Variants in QKI observed in about 807,000 individuals in gnomAD.
The protein encoded by QKI is QKI, KH domain containing RNA binding.
In QKI, 10 loss-of-function variants were observed where a neutral mutation model predicts 39.0. The observed-to-expected ratio is 0.26, with a 90% CI of 0.16 to 0.43. The LOEUF (loss-of-function observed/expected upper bound fraction) is 0.43, where lower values mean the gene tolerates loss of function less well. Ranked by LOEUF, QKI falls within the 20% of genes least tolerant of loss-of-function variation. The probability of loss-of-function intolerance (pLI) is 1.00; values close to 1 mark genes in which losing one functional copy is unlikely to be tolerated. For missense variants in QKI, 218 were observed against 428.0 expected, an observed-to-expected ratio of 0.51 and a Z score of 4.33; for synonymous variants, 204 against 155.4, an observed-to-expected ratio of 1.31 and a Z score of -2.33.
At chr6:163,510,466 C>T (rs1779379306) in intron 3 of QKI, among the ~76,000 whole-genome samples, 1 of 151,498 alleles carries the variant, frequency 6.6e-6, no homozygotes, top group Non-Finnish European at 1.5e-5. Context: ...GAGGCTGAGG[C>T]AGGAGAATTG....
At chr6:163,435,382 G>T (rs1461277872) in intron 1 of QKI, among the ~76,000 whole-genome samples, 1 of 152,114 alleles carries the variant, frequency 6.6e-6, no homozygotes, top group Non-Finnish European at 1.5e-5. Flanking sequence ...GAATTTAATC[G>T]CAAACTGGCA....
At chr6:163,476,283 T>G (rs1209149415) in intron 2 of QKI, among the ~76,000 whole-genome samples, 3 of 151,952 alleles carry the variant, frequency 2.0e-5, no homozygotes, top group Admixed American at 1.3e-4. Flanking sequence ...TAAAGTTTTT[T>G]TTTTTTTTTT....
intron 3 of QKI, among the ~76,000 whole-genome samples, chr6:163,503,835 G>C (rs1051782845): frequency 4.6e-5 from 7 of 151,970 alleles, no homozygotes; most frequent in Non-Finnish European, 8.8e-5. Flanking sequence ...CGCCTCCTGG[G>C]TTCAAGCAAG....
chr6:163,484,045 A>G (rs935268564), intron 3 of QKI, among the ~76,000 whole-genome samples: 2 of 152,234 alleles, frequency 1.3e-5, no homozygotes, highest in Non-Finnish European at 2.9e-5. Context: ...TTGGGTTACC[A>G]GGTGGATTGA....
At chr6:163,550,404 A>G (rs934450451) in intron 4 of QKI, among the ~76,000 whole-genome samples, 1 of 152,220 alleles carries the variant, frequency 6.6e-6, no homozygotes, top group African/African-American at 2.4e-5. Flanking sequence ...AAGTTTCAAC[A>G]TGAGTTTTGG....
chr6:163,484,410 A>G (rs2128226872), intron 3 of QKI, among the ~76,000 whole-genome samples: 1 of 152,200 alleles, frequency 6.6e-6, no homozygotes, highest in South Asian at 2.1e-4. Flanking sequence ...CGTGTTGGCC[A>G]GGCTAGTCTC....
At chr6:163,492,507 CTA>C (rs1778120318) in intron 3 of QKI, among the ~76,000 whole-genome samples, 2 of 151,982 alleles carry the variant, frequency 1.3e-5, no homozygotes, top group African/African-American at 2.4e-5. Context: ...TTACGTTTAA[CTA>C]TTTTTAAAAA....
intron 3 of QKI, among the ~76,000 whole-genome samples, chr6:163,488,877 A>G (rs1777857359): frequency 6.6e-6 from 1 of 152,226 alleles, no homozygotes; most frequent in Admixed American, 6.5e-5. Context: ...ATTTTTATAA[A>G]GTATGGCTTT....
chr6:163,445,413 C>T (rs757089284), intron 1 of QKI, among the ~76,000 whole-genome samples: 3 of 138,394 alleles, frequency 2.2e-5, no homozygotes, highest in African/African-American at 2.9e-5. Context: ...ATGTCTGTTT[C>T]GTTTCCTCCA....
At position 163,417,530 on chromosome 6, in the gene QKI, T is replaced by C. The variant is rs957416841; in HGVS notation, c.142+2195T>C. 5.3e-5 allele frequency among the ~76,000 whole-genome samples: 8 copies of C among 152,244 alleles called. No homozygotes were observed. In the East Asian group the frequency reaches 5.8e-4, roughly 11 times the overall value. On this transcript the variant is annotated intron_variant, in intron 1 of 7. Transcript: ENST00000361752. ...TAAATTTAGAGCTGATTCCTTGTTA[T>C]CAAGTTTCCAACCTTAGGCTTTAAT...
At chr6:163,503,935 G>A (rs1035364870) in intron 3 of QKI, among the ~76,000 whole-genome samples, 3 of 151,886 alleles carry the variant, frequency 2.0e-5, no homozygotes, top group Non-Finnish European at 4.4e-5. Context: ...TAGAGATGGG[G>A]TTTTTCAGTG....
At chr6:163,569,469 A>G in intron 7 of QKI, 1 of 1,279,682 alleles carries the variant, frequency 7.8e-7, no homozygotes, top group South Asian at 1.3e-5. Flanking sequence ...AAATTCTATC[A>G]AACCTCAGAA....
At chr6:163,477,465 TA>T (rs1193166488) in intron 2 of QKI, among the ~76,000 whole-genome samples, 1 of 152,196 alleles carries the variant, frequency 6.6e-6, no homozygotes, top group African/African-American at 2.4e-5. Flanking sequence ...GATGAGTTTC[TA>T]AATTGGAAGT....
At chr6:163,509,153 C>T (rs1432881170) in intron 3 of QKI, among the ~76,000 whole-genome samples, 3 of 149,188 alleles carry the variant, frequency 2.0e-5, no homozygotes, top group Non-Finnish European at 4.4e-5. Flanking sequence ...GTCAGTCAAT[C>T]AGTCAGTCAA....
At chr6:163,440,601 A>G (rs1246040060) in intron 1 of QKI, among the ~76,000 whole-genome samples, 1 of 152,218 alleles carries the variant, frequency 6.6e-6, no homozygotes, top group Non-Finnish European at 1.5e-5. Context: ...AAGTTATATG[A>G]TGAGATGTAG....
intron 2 of QKI, among the ~76,000 whole-genome samples, chr6:163,478,049 C>T (rs992235480): frequency 1.3e-5 from 2 of 152,050 alleles, no homozygotes; most frequent in Middle Eastern, 3.2e-3. Flanking sequence ...TTACTTTTCA[C>T]GATTTAGCCC....
chr6:163,437,389 C>G (rs1227535444), intron 1 of QKI, among the ~76,000 whole-genome samples: 1 of 152,120 alleles, frequency 6.6e-6, no homozygotes, highest in Non-Finnish European at 1.5e-5. Flanking sequence ...GTATAATTAG[C>G]TGAATATAAT....
At chr6:163,568,156 T>C (rs565369502) in intron 7 of QKI, 2 of 985,286 alleles carry the variant, frequency 2.0e-6, no homozygotes, top group African/African-American at 3.5e-5. Flanking sequence ...TCACTTGAGT[T>C]TTAAAGAAAC....
At chr6:163,508,406 C>A (rs536646412) in intron 3 of QKI, among the ~76,000 whole-genome samples, 1 of 152,136 alleles carries the variant, frequency 6.6e-6, no homozygotes, top group African/African-American at 2.4e-5. Context: ...AAAAATTACA[C>A]ACCATATATA....
Sources: allele counts gnomAD v4.1 joint callset (sites outside exome capture counted in the v4.1 genomes callset), GRCh38; gene constraint gnomAD v4.1.1; transcripts MANE v1.5; gene names NCBI Gene and HGNC (gene_info 2026-07-23, HGNC 2026-07-21).